Variants in CREB5 observed in about 807,000 individuals in gnomAD.
CREB5 encodes the protein cAMP responsive element binding protein 5.
A neutral mutation model predicts 57.1 loss-of-function variants in CREB5; 19 were observed. That is an observed-to-expected ratio of 0.33 (90% CI 0.23 to 0.49). The LOEUF (loss-of-function observed/expected upper bound fraction) is 0.49. Ranked by LOEUF, CREB5 falls within the 20% of genes least tolerant of loss-of-function variation. The pLI, the probability that CREB5 is intolerant of heterozygous loss-of-function variation, is 0.99. For synonymous variants in CREB5, 238 were observed against 238.3 expected (o/e 1.00, Z 0.01); for missense variants, 579 against 671.6 (o/e 0.86, Z 1.52).
Position 28,819,591 on chromosome 7 carries a change from A to T in CREB5, c.*312A>T. The T allele has an allele frequency of 4.6e-6, 1 of 216,046 alleles. No individual in the cohort carries two copies. Among genetic ancestry groups the T allele is most frequent in the Non-Finnish European group, 9.3e-6 (1 of 108,094 alleles). 13.4% of individuals were successfully genotyped at this position (216,046 alleles called of 1,614,324 possible). On this transcript the variant is annotated 3_prime_UTR_variant, in exon 11 of 11. Transcript: ENST00000357727. ...CCATGGTTTCATTCTTATCAGTCCA[A>T]CCCTTTGCCTGAAACATTGAATCTT...
At chr7:28,543,555 T>A (rs1418888520) in intron 4 of CREB5, among the ~76,000 whole-genome samples, 3 of 146,146 alleles carry the variant, frequency 2.1e-5, no homozygotes, top group South Asian at 2.2e-4. Flanking sequence ...TTTAGAGGTC[T>A]GTCTTTCAAA....
At position 28,460,417 on chromosome 7, in the gene CREB5, T is replaced by A. The variant is rs143007046; in HGVS notation, c.4-27758T>A. 5.2e-3 allele frequency among the ~76,000 whole-genome samples: 787 copies of A among 152,326 alleles called. 4 individuals are homozygous for A. The highest frequency in any genetic ancestry group is 0.01 in the Middle Eastern group (3 of 294). On this transcript the variant is annotated intron_variant, in intron 1 of 10. Transcript: ENST00000357727. ...TCCCCTAATTTACAGATGAGGAAAC[T>A]GAGGCACAAAGAGACGAAGCATAGA...
At chr7:28,464,914 A>G (rs73075878) in intron 1 of CREB5, among the ~76,000 whole-genome samples, 7,508 of 152,232 alleles carry the variant, frequency 0.049, 268 homozygotes, top group East Asian at 0.15. Context: ...GATAAGTTCT[A>G]TGTTATTCTG....
chr7:28,781,867 A>G (rs936472837), intron 7 of CREB5, among the ~76,000 whole-genome samples: 1 of 152,096 alleles, frequency 6.6e-6, no homozygotes, highest in African/African-American at 2.4e-5. Flanking sequence ...CTTCAAATGA[A>G]CTTTAAAAAC....
At chr7:28,444,676 A>G (rs1288372964) in intron 1 of CREB5, among the ~76,000 whole-genome samples, 1 of 152,232 alleles carries the variant, frequency 6.6e-6, no homozygotes, top group Non-Finnish European at 1.5e-5. Flanking sequence ...AGTATAGCAC[A>G]GTGAGAATTT....
intron 4 of CREB5, among the ~76,000 whole-genome samples, chr7:28,524,850 A>C (rs902965671): frequency 2.0e-5 from 3 of 152,162 alleles, no homozygotes; most frequent in African/African-American, 4.8e-5. Flanking sequence ...AAATCTTCCA[A>C]CTATTTTGAA....
intron 1 of CREB5, among the ~76,000 whole-genome samples, chr7:28,353,087 T>C (rs7784063): frequency 0.24 from 37,143 of 152,060 alleles, 4,660 homozygotes; most frequent in African/African-American, 0.26. Context: ...CTTTCTTTTC[T>C]TTTTTTGTTT....
chr7:28,544,115 A>T (rs184181846), intron 4 of CREB5, among the ~76,000 whole-genome samples: 63 of 152,008 alleles, frequency 4.1e-4, no homozygotes, highest in South Asian at 3.3e-3. Context: ...CTTAGCATTT[A>T]TTGTTGTCCC....
At chr7:28,645,391 T>C (rs1719591494) in intron 5 of CREB5, among the ~76,000 whole-genome samples, 1 of 152,212 alleles carries the variant, frequency 6.6e-6, no homozygotes, top group Non-Finnish European at 1.5e-5. Flanking sequence ...CCTGACGAAG[T>C]GGCTGGTTTG....
intron 1 of CREB5, among the ~76,000 whole-genome samples, chr7:28,454,440 T>A (rs1336604544): frequency 6.6e-6 from 1 of 152,174 alleles, no homozygotes. Flanking sequence ...GCATCTGACC[T>A]TCTGCTGTCT....
intron 7 of CREB5, among the ~76,000 whole-genome samples, chr7:28,747,264 G>A (rs1804738320): frequency 6.6e-6 from 1 of 152,182 alleles, no homozygotes; most frequent in Non-Finnish European, 1.5e-5. Context: ...CACAGCACCT[G>A]CTTGGTGCCT....
chr7:28,496,181 C>T (rs1583538148), intron 3 of CREB5, among the ~76,000 whole-genome samples: 2 of 152,296 alleles, frequency 1.3e-5, no homozygotes, highest in East Asian at 3.9e-4. Flanking sequence ...TAAACCCTAA[C>T]AGGATAATCA....
intron 1 of CREB5, among the ~76,000 whole-genome samples, chr7:28,457,097 G>T: frequency 6.6e-6 from 1 of 152,146 alleles, no homozygotes; most frequent in East Asian, 1.9e-4. Context: ...AGAAAATGGG[G>T]CTGAATGTAT....
rs566904762 is a variant in CREB5 at position 28,309,966 on chromosome 7, G to A, written c.-25+10525G>A. On this transcript the variant is annotated intron_variant, in intron 1 of 9. Transcript: ENST00000396299. ...GGCTCAAAACAAGGGCTAAGTGGGG[G>A]GTCCAGAGAAGGGCGGGAACACTTT... Among the ~76,000 whole-genome samples the A allele has an allele frequency of 5.3e-5, 8 of 152,206 alleles. No individual in the cohort carries two copies. In the South Asian group the frequency reaches 1.7e-3, roughly 32 times the overall value.
At chr7:28,641,260 A>G (rs1798648221) in intron 5 of CREB5, among the ~76,000 whole-genome samples, 1 of 152,148 alleles carries the variant, frequency 6.6e-6, no homozygotes, top group African/African-American at 2.4e-5. Flanking sequence ...GAAGCTGGGT[A>G]TGCAGGGTCA....
chr7:28,687,050 G>A (rs1030694471), intron 5 of CREB5, among the ~76,000 whole-genome samples: 1 of 152,136 alleles, frequency 6.6e-6, no homozygotes, highest in Non-Finnish European at 1.5e-5. Context: ...TGTGTTGTAT[G>A]AAAAGTGAAT....
intron 4 of CREB5, among the ~76,000 whole-genome samples, chr7:28,559,991 G>A (rs1223027104): frequency 1.3e-5 from 2 of 152,206 alleles, no homozygotes; most frequent in African/African-American, 2.4e-5. Context: ...CCTGAAAAGG[G>A]GAGAGGAAGC....
At chr7:28,674,833 T>C (rs891305133) in intron 5 of CREB5, among the ~76,000 whole-genome samples, 4 of 152,262 alleles carry the variant, frequency 2.6e-5, no homozygotes, top group African/African-American at 9.6e-5. Context: ...AATCAGATTA[T>C]GCTAGTCCCT....
At chr7:28,409,768 C>T (rs1484593551), upstream of CREB5, 2 of 391,570 alleles carry the variant, frequency 5.1e-6, no homozygotes, top group Non-Finnish European at 1.0e-5. This position sits in a 1 kb window ranked among gnomAD's most constrained non-coding sequence, Gnocchi z 4.4. Context: ...GCCGCCGCGC[C>T]GCGCGCCTGG....
Sources: allele counts gnomAD v4.1 joint callset (sites outside exome capture counted in the v4.1 genomes callset), GRCh38; gene constraint gnomAD v4.1.1; non-coding constraint Gnocchi (gnomAD v3.1); transcripts MANE v1.5; gene names NCBI Gene and HGNC (gene_info 2026-07-23, HGNC 2026-07-21).